CEP350: variants seen among roughly 807,000 people sequenced by gnomAD.
The protein encoded by CEP350 is centrosomal protein 350, also known as centrosome-associated protein 350.
In CEP350, 126 loss-of-function variants were observed where a neutral mutation model predicts 331.8. The observed-to-expected ratio is 0.38, with a 90% CI of 0.33 to 0.44. The LOEUF is 0.44. Among genes scored for constraint, CEP350 ranks in the 20% least tolerant of loss-of-function variants. The pLI is 1.00. For missense variants in CEP350, 3,406 were observed against 3,634.6 expected (o/e 0.94, Z 1.62); for synonymous variants, 1,200 against 1,259.5 (o/e 0.95, Z 1.00).
intron 14 of CEP350, 126 bp from the exon 15 acceptor site, chr1:180,031,189 ATATAG>A (rs1314993125): frequency 3.9e-6 from 2 of 506,476 alleles, no homozygotes; most frequent in Non-Finnish European, 6.9e-6. Flanking sequence ...CAGATTTTGA[ATATAG>A]TATAAGTCAA....
chr1:180,020,274 T>G lies in CEP350; in HGVS notation c.2500T>G (p.Ser834Ala). The G allele has an allele frequency of 6.2e-7, 1 of 1,614,020 alleles. No individual in the cohort carries two copies. The highest frequency in any genetic ancestry group is 8.5e-7 in the Non-Finnish European group (1 of 1,179,896). ...TGAAGCCTTGAAAGCAACAGCTGCT[T>G]CTTTGTCCAGCAGAATTGAAAGTGA... ...RIEALKATAASLSSRIESEAK... is the reference protein window; with the variant it reads ...RIEALKATAAALSSRIESEAK... Residue 834 changes from serine to alanine, a missense_variant, in exon 12 of 38, where the codon TCT (serine) becomes GCT (alanine). This residue lies in a region of CEP350 where 1,857 missense variants were observed against 1,909.2 expected (regional missense o/e 0.97). Transcript: ENST00000367607.
At chr1:180,083,286 A>G (rs953911165) in intron 30 of CEP350, among the ~76,000 whole-genome samples, 2 of 152,230 alleles carry the variant, frequency 1.3e-5, no homozygotes, top group African/African-American at 4.8e-5. Context: ...TGTGTAGTGA[A>G]ATAAGCAGTG....
chr1:180,016,237 C>A (rs561493027), intron 11 of CEP350, among the ~76,000 whole-genome samples: 1 of 152,148 alleles, frequency 6.6e-6, no homozygotes, highest in Non-Finnish European at 1.5e-5. Context: ...ACTAAACACA[C>A]AATAAAAGTG....
Position 180,016,006 on chromosome 1 carries a change from T to A in CEP350, c.2174+36T>A, listed in dbSNP as rs376952468. On this transcript the variant is annotated intron_variant, in intron 11 of 37. Transcript: ENST00000367607. ...AAGAATGAAAGATGATTAAGATTCTTTTCATGAAATTTAGCGGAGTGGTCT... is the reference window on the plus strand; with the variant it reads ...AAGAATGAAAGATGATTAAGATTCTATTCATGAAATTTAGCGGAGTGGTCT... 3.1e-6 allele frequency: 5 copies of A among 1,610,156 alleles called. No individual in the cohort carries two copies. The African/African-American group carries it at 6.7e-5, about 22-fold the overall frequency.
At position 180,092,898 on chromosome 1, in the gene CEP350, A is replaced by G. The variant is rs762669567; in HGVS notation, c.6793A>G (p.Lys2265Glu). 3.8e-6 allele frequency: 6 copies of G among 1,571,792 alleles called. No individual in the cohort carries two copies. The African/African-American group carries it at 8.1e-5, about 21-fold the overall frequency. ...KSEIKEIEYT[K>E]LKKSKIEDAF... ...AGAAATAAAAGAAATAGAGTATACA[A>G]AATTGAAGAAGAGTAAGATTGAAGA... Residue 2265 changes from lysine to glutamate, a missense_variant, in exon 34 of 38, where the codon AAA (lysine) becomes GAA (glutamate). Lys to Glu is a moderately conservative substitution (Grantham distance 56, BLOSUM62 1). Around this residue, in one of 5 missense-constraint regions of CEP350, gnomAD observed 1,415 missense variants for 1,512.3 expected, o/e 0.94. Transcript: ENST00000367607.
In CEP350 at chr1:180,095,575, C is replaced by A. The variant is rs540117543; in HGVS notation, c.8564C>A (p.Ala2855Asp). 4 of 1,613,890 alleles carry A rather than the reference C, an allele frequency of 2.5e-6. No individual in the cohort carries two copies. The highest frequency in any genetic ancestry group is 4.5e-5 in the East Asian group (2 of 44,884). ...CAGGAAGAACTTGCTAAGAGACTTG[C>A]TGAACTTGAACTCAGCCGGGAGTTC... Reference protein sequence around the residue: ...SGQEELAKRLAELELSREFLS... With the variant: ...SGQEELAKRLDELELSREFLS... The change falls in exon 35 of 38, where the codon GCT becomes GAT. Residue 2855 changes from alanine (A) to aspartate (D), a missense_variant. Physicochemically the swap from Ala to Asp is moderately radical, Grantham distance 126. This residue lies in a region of CEP350 where 1,415 missense variants were observed against 1,512.3 expected (regional missense o/e 0.94). Transcript: ENST00000367607.
At chr1:180,089,015 T>C (rs1660019998) in intron 32 of CEP350, among the ~76,000 whole-genome samples, 1 of 152,226 alleles carries the variant, frequency 6.6e-6, no homozygotes, top group African/African-American at 2.4e-5. Flanking sequence ...TTGTTACATA[T>C]GTATTTTTCC....
At chr1:179,983,052 G>A (rs1225812426) in intron 1 of CEP350, among the ~76,000 whole-genome samples, 2 of 152,114 alleles carry the variant, frequency 1.3e-5, no homozygotes, top group African/African-American at 2.4e-5. Flanking sequence ...GCCTCCCAAA[G>A]TGCTGGGATT....
At position 180,020,358 on chromosome 1, in the gene CEP350, G is replaced by C. The variant is rs775722231; in HGVS notation, c.2584G>C (p.Asp862His). Residue 862 changes from aspartate (D) to histidine (H), a missense_variant, in exon 12 of 38, where the codon GAT becomes CAT. Physicochemically the swap from Asp to His is moderately conservative, Grantham distance 81. Around this residue, in one of 5 missense-constraint regions of CEP350, gnomAD observed 1,857 missense variants for 1,909.2 expected, o/e 0.97. Coordinates refer to ENST00000367607, the MANE Select transcript of CEP350 (RefSeq NM_014810.5). ...TGGGTCAGCATGGAACACTGAGTAT[G>C]ATGTGCAGCAGGCACCTCAAGAAGA... ...NYGSAWNTEYDVQQAPQEDGP... is the reference protein window; with the variant it reads ...NYGSAWNTEYHVQQAPQEDGP... 4 of 1,613,786 alleles carry C rather than the reference G, an allele frequency of 2.5e-6. No individual in the cohort carries two copies. The Admixed American group carries it at 6.7e-5, about 27-fold the overall frequency.
In CEP350 at chr1:180,086,525, A is replaced by G. The variant is rs182480359; in HGVS notation, c.6286-1053A>G. 5.5e-3 allele frequency among the ~76,000 whole-genome samples: 678 copies of G among 123,006 alleles called. 7 individuals are homozygous for G. The highest frequency in any genetic ancestry group is 0.019 in the African/African-American group (644 of 33,222). The allele number at this position is 123,006 out of a possible 152,430, so 80.7% of individuals were successfully genotyped here. On this transcript the variant is annotated intron_variant, in intron 31 of 37. Coordinates refer to ENST00000367607, the MANE Select transcript of CEP350 (RefSeq NM_014810.5). ...TTCTGTATTTAACTTTTAAAATTAC[A>G]GTATATGAGATATGCATATATATAT...
chr1:180,068,088 C>T (rs1023627198), intron 27 of CEP350, among the ~76,000 whole-genome samples: 5 of 152,198 alleles, frequency 3.3e-5, no homozygotes, highest in Non-Finnish European at 7.3e-5. Flanking sequence ...TCGTCCTTCT[C>T]AGTAAGTTTA....
intron 36 of CEP350, among the ~76,000 whole-genome samples, chr1:180,097,679 C>T (rs1660560513): frequency 6.6e-6 from 1 of 151,984 alleles, no homozygotes; most frequent in East Asian, 1.9e-4. Flanking sequence ...ACAATAAATG[C>T]CCACTAATTT....
At chr1:179,956,206 G>T (rs757265630) in intron 1 of CEP350, among the ~76,000 whole-genome samples, 9 of 152,210 alleles carry the variant, frequency 5.9e-5, no homozygotes, top group Non-Finnish European at 1.0e-4. Flanking sequence ...ATTAGTTTCG[G>T]TGTGCTAAAT....
In CEP350 at chr1:180,098,929, T is replaced by G. The variant is rs766585919; in HGVS notation, c.9133T>G (p.Trp3045Gly). The G allele has an allele frequency of 1.2e-6, 2 of 1,613,672 alleles. No individual in the cohort carries two copies. The highest frequency in any genetic ancestry group is 1.7e-5 in the Admixed American group (1 of 60,018). ...AAAGGAGCCAAACCACAAAACAGATTGGCAGAAAATGATGAAATTTGGAAG... is the reference window on the plus strand; with the variant it reads ...AAAGGAGCCAAACCACAAAACAGATGGGCAGAAAATGATGAAATTTGGAAG... ...LKKEPNHKTD[W>G]QKMMKFGRKK... The change falls in exon 37 of 38, where the codon TGG becomes GGG. Residue 3045 changes from tryptophan (W) to glycine (G), a missense_variant. Transcript: ENST00000367607.
At chr1:180,015,015 G>A (rs1654881949) in intron 10 of CEP350, among the ~76,000 whole-genome samples, 1 of 152,046 alleles carries the variant, frequency 6.6e-6, no homozygotes, top group African/African-American at 2.4e-5. Flanking sequence ...AAAATCATAA[G>A]GAAGAGAAAA....
At chr1:180,102,438 C>T (rs1417314329) in intron 37 of CEP350, among the ~76,000 whole-genome samples, 2 of 151,992 alleles carry the variant, frequency 1.3e-5, no homozygotes, top group Non-Finnish European at 2.9e-5. Context: ...ACCTGGCCAA[C>T]CCCCCACATT....
intron 29 of CEP350, among the ~76,000 whole-genome samples, chr1:180,079,018 C>T (rs1252970320): frequency 6.6e-6 from 1 of 152,022 alleles, no homozygotes; most frequent in African/African-American, 2.4e-5. Flanking sequence ...ACCAGAGTAC[C>T]TTTACTGTAA....
intron 37 of CEP350, among the ~76,000 whole-genome samples, chr1:180,109,599 A>G (rs1000538411): frequency 2.6e-5 from 4 of 151,898 alleles, no homozygotes; most frequent in Admixed American, 6.6e-5. Context: ...CCCATTCACA[A>G]TGTCATTTTG....
rs199951361 is a variant in CEP350 at position 180,095,488 on chromosome 1, A to C, written c.8512-35A>C. 2.5e-4 allele frequency: 393 copies of C among 1,567,964 alleles called. 2 individuals are homozygous for C. The African/African-American group carries it at 4.5e-3, about 18-fold the overall frequency. On this transcript the variant is annotated intron_variant, in intron 34 of 37. Coordinates refer to ENST00000367607, the MANE Select transcript of CEP350 (RefSeq NM_014810.5). ...AAAAAAAAATGATATGAGGTCCCTA[A>C]ATGGTGCTCTGTTTGAATGGTTCCA...
Sources: gnomAD v4.1 joint callset for allele counts (sites outside exome capture counted in the v4.1 genomes callset) on GRCh38, gnomAD v4.1.1 for gene constraint, gnomAD v4.1.1 regional missense constraint, MANE v1.5 for transcripts, NCBI Gene and HGNC (gene_info 2026-07-23, HGNC 2026-07-21) for gene names.